FMN1: variants seen among roughly 807,000 people sequenced by gnomAD.
FMN1 encodes the protein formin 1, also known as formin-1.
In FMN1, 110 loss-of-function variants were observed where a neutral mutation model predicts 132.4. The ratio of observed to expected loss-of-function variants is 0.83; its 90% CI spans 0.71 to 0.97. The LOEUF is 0.97. FMN1 is among the 50% of genes least tolerant of loss of function. FMN1 has a pLI of 0.00. For synonymous variants in FMN1, 722 were observed against 651.7 expected (o/e 1.11, Z -1.64); for missense variants, 1,792 against 1,705.3 (o/e 1.05, Z -0.90).
rs1458583047 is a variant in FMN1, at chr15:32,888,830, T to C, written c.3715-538A>G. Among the ~76,000 whole-genome samples, 6 of 151,184 alleles carry C rather than the reference T, an allele frequency of 4.0e-5. No homozygotes were observed. In the East Asian group the frequency reaches 1.2e-3, roughly 30 times the overall value. ...TGCATGCATGATCAGATTCTTTGTA[T>C]ATGGGTGTATCTACACATATACACA... On this transcript the variant is annotated intron_variant, in intron 15 of 20. Coordinates refer to ENST00000616417, the MANE Select transcript of FMN1 (RefSeq NM_001277313.2).
chr15:33,190,261 T>A (rs1219984952), intron 2 of FMN1, among the ~76,000 whole-genome samples: 1 of 152,182 alleles, frequency 6.6e-6, no homozygotes, highest in Admixed American at 6.5e-5. Context: ...AAAAGAGTTC[T>A]TGAAACTCTA....
chr15:33,105,058 G>C (rs1033245099), intron 4 of FMN1, among the ~76,000 whole-genome samples: 14 of 152,074 alleles, frequency 9.2e-5, no homozygotes, highest in African/African-American at 3.1e-4. Flanking sequence ...TCACTACATA[G>C]TACATGCTCT....
chr15:32,872,805 GC>G (rs2059547040), intron 16 of FMN1, among the ~76,000 whole-genome samples: 1 of 152,166 alleles, frequency 6.6e-6, no homozygotes, highest in Non-Finnish European at 1.5e-5. Context: ...TGACCTCTGA[GC>G]CCATGTTCCC....
At chr15:32,885,551 T>C (rs1453462197) in intron 16 of FMN1, among the ~76,000 whole-genome samples, 1 of 152,168 alleles carries the variant, frequency 6.6e-6, no homozygotes, top group South Asian at 2.1e-4. Flanking sequence ...AAGTCAAAAA[T>C]AGTATCTGCC....
rs1443853896 is a variant in FMN1 at position 33,154,642 on chromosome 15, T to C, written c.273A>G (p.Thr91=). ...TGGTTAGCAGTCTCTCCCTCTCTGT[T>C]GTGAGTTTGTACAGCTCAGTTAGAA... ...KDILTELYKL[T]TERERLLTNL... is the part of the protein sequence containing the mutation. The change falls in exon 4 of 21, where the codon ACA becomes ACG. Residue 91 remains threonine, a synonymous_variant. Coordinates refer to ENST00000616417, the MANE Select transcript of FMN1 (RefSeq NM_001277313.2). 1 of 1,536,116 alleles carries C rather than the reference T, an allele frequency of 6.5e-7. No homozygotes were observed. The highest frequency in any genetic ancestry group is 1.4e-5 in the African/African-American group (1 of 73,136).
chr15:33,049,266 A>C (rs1229555084), intron 6 of FMN1, among the ~76,000 whole-genome samples: 1 of 152,190 alleles, frequency 6.6e-6, no homozygotes, highest in Non-Finnish European at 1.5e-5. Context: ...GACTTAGCTC[A>C]TGCATTAGGC....
chr15:33,059,509 C>A (rs1055948974), intron 6 of FMN1, among the ~76,000 whole-genome samples: 4 of 152,060 alleles, frequency 2.6e-5, no homozygotes, highest in Non-Finnish European at 4.4e-5. Context: ...TACGTTCCCA[C>A]AAAAAATGCT....
intron 5 of FMN1, among the ~76,000 whole-genome samples, chr15:33,070,012 T>TTC (rs1468450357): frequency 2.1e-5 from 3 of 139,586 alleles, no homozygotes; most frequent in Non-Finnish European, 3.1e-5. Context: ...TTTTTTTTTT[T>TTC]TTTTTTTTTT....
chr15:32,937,474 C>A (rs779959705), intron 9 of FMN1, among the ~76,000 whole-genome samples: 2 of 152,230 alleles, frequency 1.3e-5, no homozygotes, highest in Non-Finnish European at 2.9e-5. Context: ...ACAAAGGGAA[C>A]TGGCCCGTGT....
chr15:33,126,498 C>T (rs1595532522), intron 4 of FMN1, among the ~76,000 whole-genome samples: 1 of 152,200 alleles, frequency 6.6e-6, no homozygotes, highest in South Asian at 2.1e-4. Context: ...ACCAACTCTA[C>T]ATCTACTCCT....
intron 10 of FMN1, among the ~76,000 whole-genome samples, chr15:32,914,624 A>T (rs978457161): frequency 6.6e-6 from 1 of 152,262 alleles, no homozygotes; most frequent in African/African-American, 2.4e-5. Flanking sequence ...CAAAAAGTCA[A>T]AATTTGAAAA....
At chr15:33,166,963 T>C (rs945554607) in intron 3 of FMN1, among the ~76,000 whole-genome samples, 2 of 152,308 alleles carry the variant, frequency 1.3e-5, no homozygotes, top group African/African-American at 4.8e-5. Context: ...ATGTGTTTCT[T>C]AGTAGACTAA....
intron 4 of FMN1, among the ~76,000 whole-genome samples, chr15:33,099,101 C>G (rs563756579): frequency 3.3e-5 from 5 of 152,024 alleles, no homozygotes; most frequent in Non-Finnish European, 5.9e-5. Flanking sequence ...ACCCCATCTA[C>G]AAAACTCCAT....
intron 6 of FMN1, among the ~76,000 whole-genome samples, chr15:33,060,665 G>C (rs1256286342): frequency 6.6e-6 from 1 of 152,164 alleles, no homozygotes; most frequent in Admixed American, 6.5e-5. Flanking sequence ...ACACTCAGCA[G>C]GGCAGTACAT....
intron 17 of FMN1, among the ~76,000 whole-genome samples, chr15:32,838,572 A>C (rs1276788316): frequency 1.3e-5 from 2 of 152,204 alleles, no homozygotes; most frequent in African/African-American, 4.8e-5. Flanking sequence ...CTGTGTGTAC[A>C]ACACACATGC....
intron 4 of FMN1, among the ~76,000 whole-genome samples, chr15:33,123,357 G>C (rs1054984350): frequency 5.3e-5 from 8 of 152,026 alleles, no homozygotes; most frequent in Non-Finnish European, 1.2e-4. Flanking sequence ...AAATACTCCT[G>C]AATCTGGCAT....
chr15:33,184,351 A>G (rs918730063), intron 2 of FMN1, among the ~76,000 whole-genome samples: 1 of 152,224 alleles, frequency 6.6e-6, no homozygotes, highest in African/African-American at 2.4e-5. Flanking sequence ...AAGAAAAAAT[A>G]TGGCAAGATA....
intron 7 of FMN1, among the ~76,000 whole-genome samples, chr15:33,007,084 G>A (rs2034459745): frequency 6.6e-6 from 1 of 152,290 alleles, no homozygotes; most frequent in African/African-American, 2.4e-5. Flanking sequence ...TGATAAATAT[G>A]TGAGGCAATG....
Position 32,968,839 on chromosome 15 carries a change from TG to T in FMN1, c.2861del (p.Pro954HisfsTer29), listed in dbSNP as rs2140651510. ...PAPPPPGLAP[P>X]PPPGLFFGLG... ...GTCCAAAGAAGAGTCCAGGGGGAGG[TG>T]GGGGTGCAAGTCCTGGGGGTGGTGG... On this transcript the variant is annotated frameshift_variant, in exon 8 of 21. Transcript: ENST00000616417. LOFTEE classifies it high-confidence loss of function. 1 of 1,019,068 alleles carries T rather than the reference TG, an allele frequency of 9.8e-7. No homozygotes were observed. Among genetic ancestry groups the T allele is most frequent in the Non-Finnish European group, 1.3e-6 (1 of 744,134 alleles). 63.1% of individuals were successfully genotyped at this position (1,019,068 alleles called of 1,614,324 possible). A position where few individuals can be genotyped will look rare whatever the true frequency, so the allele number is the denominator to read the frequency against.
Sources: allele counts gnomAD v4.1 joint callset (sites outside exome capture counted in the v4.1 genomes callset), GRCh38; gene constraint gnomAD v4.1.1; transcripts MANE v1.5; gene names NCBI Gene and HGNC (gene_info 2026-07-23, HGNC 2026-07-21).